Variants in CYP27A1 observed in about 807,000 individuals in gnomAD.
CYP27A1 encodes the protein sterol 26-hydroxylase, mitochondrial.
A neutral mutation model predicts 58.2 loss-of-function variants in CYP27A1; 46 were observed. The observed-to-expected ratio is 0.79, with a 90% CI of 0.62 to 1.01. The LOEUF (loss-of-function observed/expected upper bound fraction) is 1.01. Among genes scored for constraint, CYP27A1 ranks in the 50% least tolerant of loss-of-function variants. The pLI, the probability that CYP27A1 is intolerant of heterozygous loss-of-function variation, is 0.00. For missense variants in CYP27A1, 704 were observed against 687.0 expected (o/e 1.02, Z -0.28); for synonymous variants, 274 against 285.1 (o/e 0.96, Z 0.39).
chr2:218,802,022 C>T (rs1367861437), intron 1 of CYP27A1, among the ~76,000 whole-genome samples: 1 of 144,370 alleles, frequency 6.9e-6, no homozygotes, highest in Non-Finnish European at 1.5e-5. Flanking sequence ...ACTCTTTAGG[C>T]CAGCAATGAC....
intron 1 of CYP27A1, among the ~76,000 whole-genome samples, chr2:218,798,909 C>G (rs1019312886): frequency 2.6e-5 from 4 of 151,996 alleles, no homozygotes; most frequent in Non-Finnish European, 4.4e-5. Context: ...AACAAACAAA[C>G]AAACCCATGA....
chr2:218,798,684 A>C (rs1943569356), intron 1 of CYP27A1, among the ~76,000 whole-genome samples: 1 of 152,160 alleles, frequency 6.6e-6, no homozygotes, highest in South Asian at 2.1e-4. Context: ...GGAATTCGAG[A>C]CCAGCCTGGG....
At chr2:218,786,201 C>T (rs759191597) in intron 1 of CYP27A1, among the ~76,000 whole-genome samples, 5 of 152,146 alleles carry the variant, frequency 3.3e-5, no homozygotes, top group Non-Finnish European at 7.4e-5. Flanking sequence ...ACTGGCTTGG[C>T]CTGGGTTAAT....
intron 1 of CYP27A1, among the ~76,000 whole-genome samples, chr2:218,797,337 G>C (rs879422183): frequency 2.0e-5 from 3 of 152,096 alleles, no homozygotes; most frequent in Admixed American, 2.0e-4. Context: ...CTGATCTCAG[G>C]TGACCCACCT....
intron 1 of CYP27A1, among the ~76,000 whole-genome samples, chr2:218,794,129 G>A (rs376268700): frequency 5.9e-5 from 9 of 152,192 alleles, no homozygotes; most frequent in East Asian, 1.9e-4. Context: ...ACCCTGGTAC[G>A]GGAGAGGACA....
rs753730873 is a variant in CYP27A1 at position 218,809,749 on chromosome 2, C to A, written c.428C>A (p.Thr143Asn). The A allele has an allele frequency of 6.2e-7, 1 of 1,613,320 alleles. No individual in the cohort carries two copies. The highest frequency in any genetic ancestry group is 8.5e-7 in the Non-Finnish European group (1 of 1,179,498). Residue 143 changes from threonine (T) to asparagine (N), a missense_variant, in exon 2 of 9, where the codon ACC becomes AAC. By Grantham distance (65) the Thr-to-Asn change is moderately conservative. Transcript: ENST00000258415. ...WKEHRDQHDL[T>N]YGPFTTEGHH... ...GAGCACCGGGACCAGCACGACCTGA[C>A]CTATGGGCCGTTCACCACGTGAGCT...
At chr2:218,801,669 C>G (rs1943601164) in intron 1 of CYP27A1, among the ~76,000 whole-genome samples, 1 of 151,944 alleles carries the variant, frequency 6.6e-6, no homozygotes, top group Non-Finnish European at 1.5e-5. Context: ...TCTGCATGTT[C>G]TTATTTGTAA....
intron 1 of CYP27A1, among the ~76,000 whole-genome samples, chr2:218,794,395 G>A (rs909771919): frequency 2.6e-5 from 4 of 152,220 alleles, no homozygotes; most frequent in Non-Finnish European, 5.9e-5. Flanking sequence ...CCGGCAAAAC[G>A]GGCCATTGTC....
intron 1 of CYP27A1, among the ~76,000 whole-genome samples, chr2:218,805,402 A>C (rs1434302877): frequency 6.6e-6 from 1 of 152,216 alleles, no homozygotes; most frequent in Non-Finnish European, 1.5e-5. Context: ...CAGTGTGCCC[A>C]ACAATTTGGG....
At chr2:218,790,064 G>A (rs528204374) in intron 1 of CYP27A1, among the ~76,000 whole-genome samples, 1 of 152,256 alleles carries the variant, frequency 6.6e-6, no homozygotes, top group African/African-American at 2.4e-5. Context: ...GAGCTTAGTC[G>A]AAAACAATGG....
chr2:218,797,377 G>T (rs1202818137), intron 1 of CYP27A1, among the ~76,000 whole-genome samples: 1 of 152,168 alleles, frequency 6.6e-6, no homozygotes, highest in African/African-American at 2.4e-5. Flanking sequence ...AAGGATTACA[G>T]GCACGAGCCG....
chr2:218,806,321 T>C (rs990802274), intron 1 of CYP27A1, among the ~76,000 whole-genome samples: 1 of 152,250 alleles, frequency 6.6e-6, no homozygotes, highest in Non-Finnish European at 1.5e-5. Flanking sequence ...ATTAAGAGGC[T>C]GGACTTATTG....
At chr2:218,795,302 T>G (rs950703695) in intron 1 of CYP27A1, among the ~76,000 whole-genome samples, 1 of 152,178 alleles carries the variant, frequency 6.6e-6, no homozygotes, top group Non-Finnish European at 1.5e-5. Context: ...GGAATTGAGT[T>G]TGGGACAAAA....
chr2:218,788,775 C>G (rs1943464441), intron 1 of CYP27A1, among the ~76,000 whole-genome samples: 1 of 152,204 alleles, frequency 6.6e-6, no homozygotes. Context: ...TTTGTTAACA[C>G]CACTCCCATT....
chr2:218,790,936 C>T (rs557422305), intron 1 of CYP27A1, among the ~76,000 whole-genome samples: 1 of 152,108 alleles, frequency 6.6e-6, no homozygotes, highest in East Asian at 1.9e-4. Flanking sequence ...CTCCTGACCT[C>T]GTGATCTGCC....
rs55998945 is a variant in CYP27A1 at position 218,814,655 on chromosome 2, C to T, written c.1374C>T (p.Pro458=). The T allele has an allele frequency of 1.2e-6, 2 of 1,614,242 alleles. No homozygotes were observed. The highest frequency in any genetic ancestry group is 1.7e-6 in the Non-Finnish European group (2 of 1,180,050). The change falls in exon 8 of 9, where the codon CCC becomes CCT. Residue 458 remains proline (P), a synonymous_variant. Coordinates refer to ENST00000258415, the MANE Select transcript of CYP27A1 (RefSeq NM_000784.4). ...TGAGAAACAGCCAGCCTGCTACCCCCAGGATCCAGCACCCATTTGGCTCTG... is the reference window on the plus strand; with the variant it reads ...TGAGAAACAGCCAGCCTGCTACCCCTAGGATCCAGCACCCATTTGGCTCTG... The part of the protein sequence containing the change: ...RWLRNSQPAT[P]RIQHPFGSVP...
intron 1 of CYP27A1, among the ~76,000 whole-genome samples, chr2:218,807,117 GC>G: frequency 6.6e-6 from 1 of 151,792 alleles, no homozygotes; most frequent in African/African-American, 2.4e-5. Flanking sequence ...CCACCAACAT[GC>G]CCAGCTAATT....
intron 1 of CYP27A1, among the ~76,000 whole-genome samples, chr2:218,809,211 C>T (rs1943683038): frequency 6.6e-6 from 1 of 152,140 alleles, no homozygotes; most frequent in South Asian, 2.1e-4. Flanking sequence ...TCTCACCTCA[C>T]TAAAGGGCTC....
At position 218,814,609 on chromosome 2, in the gene CYP27A1, G is replaced by T. The variant is rs777141854; in HGVS notation, c.1328G>T (p.Ser443Ile). The change falls in exon 8 of 9, where the codon AGC (serine) becomes ATC (isoleucine). Residue 443 changes from serine to isoleucine, a missense_variant. Transcript: ENST00000258415. ...RDPTAFSEPE[S>I]FQPHRWLRNS... ...CCCACTGCCTTCTCTGAGCCTGAAAGCTTCCAGCCCCACCGCTGGCTGAGA... is the reference window on the plus strand; with the variant it reads ...CCCACTGCCTTCTCTGAGCCTGAAATCTTCCAGCCCCACCGCTGGCTGAGA... The T allele has an allele frequency of 1.9e-6, 3 of 1,614,226 alleles. No homozygotes were observed. In the East Asian group the frequency reaches 6.7e-5, roughly 36 times the overall value.
Sources: allele counts gnomAD v4.1 joint callset (sites outside exome capture counted in the v4.1 genomes callset), GRCh38; gene constraint gnomAD v4.1.1; transcripts MANE v1.5; gene names NCBI Gene and HGNC (gene_info 2026-07-23, HGNC 2026-07-21).